The following CTNNAL1 variants were observed in gnomAD, a reference collection of about 807,000 sequenced individuals.
CTNNAL1 encodes alpha-catulin.
Under a neutral mutation model 93.6 loss-of-function variants are expected in CTNNAL1, and 69 were observed. The observed-to-expected ratio is 0.74, with a 90% CI of 0.61 to 0.90. The LOEUF is 0.90. Ranked by LOEUF, CTNNAL1 falls within the 40% of genes least tolerant of loss-of-function variation. The pLI is 0.00. For synonymous variants in CTNNAL1, 286 were observed against 305.4 expected (o/e 0.94, Z 0.66); for missense variants, 836 against 862.0 (o/e 0.97, Z 0.38).
chr9:108,946,927 AT>A (rs1332811987), intron 15 of CTNNAL1, among the ~76,000 whole-genome samples: 2 of 152,134 alleles, frequency 1.3e-5, no homozygotes, highest in South Asian at 2.1e-4. Context: ...GAAAAAAAAA[AT>A]AAATTCAGAA....
At chr9:108,968,782 T>G (rs1831028531) in intron 10 of CTNNAL1, among the ~76,000 whole-genome samples, 1 of 152,174 alleles carries the variant, frequency 6.6e-6, no homozygotes, top group East Asian at 1.9e-4. Flanking sequence ...TCTAGGTCAC[T>G]TGCACTGTTC....
At chr9:109,013,083 G>C (rs903600511) in intron 1 of CTNNAL1, among the ~76,000 whole-genome samples, 1 of 152,164 alleles carries the variant, frequency 6.6e-6, no homozygotes, top group African/African-American at 2.4e-5. Flanking sequence ...CTGCTGCCGA[G>C]TCCACTCAAC....
At position 108,990,815 on chromosome 9, in the gene CTNNAL1, C is replaced by T; in HGVS notation, c.550G>A (p.Val184Met). ...TGGACAAACTCTTGAAAGCTATTCA[C>T]TTTCTCTAGTCTTTCCATAGTTGCG... ...VLATMERLEK[V>M]NSFQEFVQIF... Residue 184 changes from valine to methionine, a missense_variant, in exon 4 of 19, where the codon GTG becomes ATG. Val to Met is a conservative substitution (Grantham distance 21, BLOSUM62 1). Transcript: ENST00000325551. 3 of 1,613,476 alleles carry T rather than the reference C, an allele frequency of 1.9e-6. No homozygotes were observed. The highest frequency in any genetic ancestry group is 2.5e-6 in the Non-Finnish European group (3 of 1,179,838).
At chr9:108,974,956 A>C (rs1208704925) in intron 8 of CTNNAL1, among the ~76,000 whole-genome samples, 2 of 152,092 alleles carry the variant, frequency 1.3e-5, no homozygotes, top group African/African-American at 4.8e-5. Context: ...TGAGGTCAGG[A>C]GTTTGAGACC....
Position 108,943,766 on chromosome 9 carries a change from A to T in CTNNAL1, c.1992T>A (p.Ile664=). 6.2e-7 allele frequency: 1 copy of T among 1,613,858 alleles called. No homozygotes were observed. Among genetic ancestry groups the T allele is most frequent in the Non-Finnish European group, 8.5e-7 (1 of 1,179,904 alleles). The change falls in exon 17 of 19, where the codon ATT becomes ATA. Residue 664 remains isoleucine (I), a synonymous_variant. Transcript: ENST00000325551. ...LMLLLEINKL[I]PLCHQLQTVT... ...CTGTCTGGAGCTGGTGGCATAGAGG[A>T]ATTAGCTTGTTTATTTCCAGGAGAA...
Position 108,972,750 on chromosome 9 carries a change from A to C in CTNNAL1, c.1272T>G (p.Thr424=). ...AAGCTTCTAAATTTCCTTCTACTCCAGTAAGTTTTAATGCTTTTAGAACCA... is the reference window on the plus strand; with the variant it reads ...AAGCTTCTAAATTTCCTTCTACTCCCGTAAGTTTTAATGCTTTTAGAACCA... ...DHVVLKALKL[T]GVEGNLEALA... Residue 424 remains threonine (T), a synonymous_variant, in exon 9 of 19, where the codon ACT becomes ACG. Coordinates refer to ENST00000325551, the MANE Select transcript of CTNNAL1 (RefSeq NM_003798.4). 6.3e-7 allele frequency: 1 copy of C among 1,575,070 alleles called. No individual in the cohort carries two copies. Among genetic ancestry groups the C allele is most frequent in the Non-Finnish European group, 8.6e-7 (1 of 1,156,598 alleles).
intron 1 of CTNNAL1, among the ~76,000 whole-genome samples, chr9:109,011,518 C>A (rs932311578): frequency 6.6e-6 from 1 of 152,214 alleles, no homozygotes; most frequent in East Asian, 1.9e-4. Context: ...AAGACTGATA[C>A]ATTTTTAGCA....
At chr9:108,974,629 T>C (rs949049764) in intron 8 of CTNNAL1, among the ~76,000 whole-genome samples, 1 of 151,514 alleles carries the variant, frequency 6.6e-6, no homozygotes, top group Non-Finnish European at 1.5e-5. Context: ...AGCCCAGGAG[T>C]TCAAGACCAG....
At position 108,999,171 on chromosome 9, in the gene CTNNAL1, T is replaced by A. The variant is rs201746631; in HGVS notation, c.227A>T (p.Asn76Ile). The A allele has an allele frequency of 3.7e-6, 6 of 1,613,802 alleles. No homozygotes were observed. The highest frequency in any genetic ancestry group is 5.1e-6 in the Non-Finnish European group (6 of 1,179,912). Residue 76 changes from asparagine (N) to isoleucine (I), a missense_variant, in exon 2 of 19, where the codon AAC becomes ATC. Physicochemically the swap from Asn to Ile is moderately radical, Grantham distance 149. Transcript: ENST00000325551. The part of the protein sequence containing the change: ...QAIQRVGQAV[N>I]LAVGRFVKVG... ...TTTAACAAATCTTCCAACTGCCAAGTTGACAGCTTGTCCTACACGCTGAAT... is the reference window on the plus strand; with the variant it reads ...TTTAACAAATCTTCCAACTGCCAAGATGACAGCTTGTCCTACACGCTGAAT...
intron 6 of CTNNAL1, among the ~76,000 whole-genome samples, chr9:108,981,428 T>C (rs1415767871): frequency 7.2e-6 from 1 of 138,616 alleles, no homozygotes; most frequent in African/African-American, 2.8e-5. Context: ...ATCCTGGGCC[T>C]AAAGAAGGGT....
chr9:108,950,401 C>G, intron 14 of CTNNAL1: 1 of 1,213,908 alleles, frequency 8.2e-7, no homozygotes, highest in Non-Finnish European at 1.1e-6. Flanking sequence ...AGGAAACCAC[C>G]AAAGGAATGG....
rs535956167 is a variant in CTNNAL1, at chr9:109,013,212, G to T, written c.141+90C>A. The stretch of plus-strand genomic sequence containing the variant: ...GTGCCGGCGCGGAAAGTGGGGCAGC[G>T]GCTGCCTCCCGTCCGGTCGTGCGAG... On this transcript the variant is annotated intron_variant, in intron 1 of 18. Coordinates refer to ENST00000325551, the MANE Select transcript of CTNNAL1 (RefSeq NM_003798.4). 1.6e-5 allele frequency: 22 copies of T among 1,356,486 alleles called. No homozygotes were observed. In the South Asian group the frequency reaches 3.6e-4, roughly 22 times the overall value. The allele number at this position is 1,356,486 out of a possible 1,614,324, so 84.0% of individuals were successfully genotyped here.
At chr9:108,972,868 G>GCCCCCCCCGGGT in intron 8 of CTNNAL1, 35 bp from the exon 9 acceptor site, 1 of 1,092,786 alleles carries the variant, frequency 9.2e-7, no homozygotes, top group Non-Finnish European at 1.2e-6. Flanking sequence ...GGGTGGGAGG[G>GCCCCCCCCGGGT]TGGAGAAGGA....
chr9:108,960,917 G>A (rs1351356258), intron 11 of CTNNAL1, among the ~76,000 whole-genome samples: 1 of 152,168 alleles, frequency 6.6e-6, no homozygotes, highest in African/African-American at 2.4e-5. Flanking sequence ...TTACCTTCTT[G>A]AAACAATCCC....
Position 108,999,060 on chromosome 9 carries a change from C to A in CTNNAL1, c.331+7G>T. 6.3e-7 allele frequency: 1 copy of A among 1,596,088 alleles called. No individual in the cohort carries two copies. Among genetic ancestry groups the A allele is most frequent in the Non-Finnish European group, 8.5e-7 (1 of 1,172,514 alleles). On this transcript the variant is annotated splice_region_variant and intron_variant, in intron 2 of 18. Coordinates refer to ENST00000325551, the MANE Select transcript of CTNNAL1 (RefSeq NM_003798.4). ...ATGAATAGTCTTCAAAATCAATATC[C>A]ACCTACCTGCTTGTTTAGCTTCAAT...
Position 108,944,002 on chromosome 9 carries a change from C to A in CTNNAL1, c.1901G>T (p.Gly634Val), listed in dbSNP as rs867477994. The A allele has an allele frequency of 3.7e-6, 6 of 1,613,580 alleles. No individual in the cohort carries two copies. The highest frequency in any genetic ancestry group is 1.3e-5 in the African/African-American group (1 of 74,898). Residue 634 changes from glycine (G) to valine (V), a missense_variant, in exon 16 of 19, where the codon GGT (glycine) becomes GTT (valine). Gly to Val is a moderately radical substitution (Grantham distance 109). Transcript: ENST00000325551. ...IHQLEVFAAEGLKLTSSVQAF... is the reference protein window; with the variant it reads ...IHQLEVFAAEVLKLTSSVQAF... ...TTGAACACTGGAAGTAAGCTTTAAA[C>A]CCTCTGCAGCAAAAACCTGGTAGAA...
intron 4 of CTNNAL1, among the ~76,000 whole-genome samples, chr9:108,984,850 A>T (rs943548052): frequency 6.6e-6 from 1 of 152,246 alleles, no homozygotes; most frequent in Non-Finnish European, 1.5e-5. Flanking sequence ...CAGACACTTA[A>T]AAGTCGATTC....
intron 1 of CTNNAL1, among the ~76,000 whole-genome samples, chr9:109,012,188 C>T (rs1482615207): frequency 6.6e-6 from 1 of 152,056 alleles, no homozygotes; most frequent in African/African-American, 2.4e-5. Flanking sequence ...ACATGTGTAA[C>T]TGCTGTTTTC....
At chr9:108,972,864 G>GGCCCCCCCCCCCCCCCCCCC in intron 8 of CTNNAL1, 31 bp from the exon 9 acceptor site, 2 of 142,586 alleles carry the variant, frequency 1.4e-5, no homozygotes. Flanking sequence ...GGGGGGGTGG[G>GGCCCCCCCCCCCCCCCCCCC]AGGGTGGAGA....
Sources: allele counts gnomAD v4.1 joint callset (sites outside exome capture counted in the v4.1 genomes callset), GRCh38; gene constraint gnomAD v4.1.1; transcripts MANE v1.5; gene names NCBI Gene and HGNC (gene_info 2026-07-23, HGNC 2026-07-21).